TBC1D22A: variants seen among roughly 807,000 people sequenced by gnomAD.
The protein encoded by TBC1D22A is putative GTPase activator.
A neutral mutation model predicts 60.2 loss-of-function variants in TBC1D22A; 38 were observed. The ratio of observed to expected loss-of-function variants is 0.63; its 90% CI spans 0.49 to 0.83. TBC1D22A has a LOEUF of 0.83. TBC1D22A is among the 40% of genes least tolerant of loss of function. The probability of loss-of-function intolerance (pLI) is 0.00; values close to 1 mark genes in which losing one functional copy is unlikely to be tolerated. For missense variants in TBC1D22A, 628 were observed against 701.0 expected, an observed-to-expected ratio of 0.90 and a Z score of 1.18; for synonymous variants, 302 against 281.7, an observed-to-expected ratio of 1.07 and a Z score of -0.72.
chr22:46,779,885 C>G (rs1388516302), intron 1 of TBC1D22A, among the ~76,000 whole-genome samples: 1 of 152,206 alleles, frequency 6.6e-6, no homozygotes, highest in East Asian at 1.9e-4. Flanking sequence ...CGGGGCGGGA[C>G]AGCCCTCGGA....
intron 5 of TBC1D22A, among the ~76,000 whole-genome samples, chr22:46,888,311 C>T (rs1280794915): frequency 1.3e-5 from 2 of 152,210 alleles, no homozygotes; most frequent in African/African-American, 4.8e-5. Context: ...TGACGTGGCT[C>T]CCAGAGCAGC....
intron 1 of TBC1D22A, among the ~76,000 whole-genome samples, chr22:46,783,816 G>T (rs567545490): frequency 2.0e-4 from 30 of 152,122 alleles, no homozygotes; most frequent in Middle Eastern, 3.4e-3. Context: ...CAGTCAATGG[G>T]CATCTAGGTT....
intron 12 of TBC1D22A, among the ~76,000 whole-genome samples, chr22:47,148,475 C>T (rs184351934): frequency 9.2e-5 from 14 of 152,210 alleles, no homozygotes; most frequent in Admixed American, 5.2e-4. Context: ...AACAAATGCC[C>T]ACTCGGAATC....
intron 11 of TBC1D22A, among the ~76,000 whole-genome samples, chr22:47,101,528 C>T (rs1329941660): frequency 1.3e-5 from 2 of 152,244 alleles, no homozygotes; most frequent in South Asian, 2.1e-4. Flanking sequence ...TGGGGCGAGG[C>T]GGCCAAGGCC....
rs566235921 is a variant in TBC1D22A, at chr22:46,951,116, C to T, written c.1016-23174C>T. ...GCCTACCTAACCTTTGCTTCTTTGC[C>T]GTAGACTCTCCATCTGCAAAATAGA... On this transcript the variant is annotated intron_variant, in intron 8 of 12. Transcript: ENST00000337137. Among the ~76,000 whole-genome samples, 303 of 152,246 alleles carry T rather than the reference C, an allele frequency of 2.0e-3. 1 individual carries two copies. The highest frequency in any genetic ancestry group is 3.9e-3 in the Non-Finnish European group (262 of 68,018).
Position 46,973,319 on chromosome 22 carries a change from T to C in TBC1D22A, c.1016-971T>C, listed in dbSNP as rs989153592. 7.9e-5 allele frequency among the ~76,000 whole-genome samples: 12 copies of C among 152,304 alleles called. No homozygotes were observed. The South Asian group carries it at 1.5e-3, about 18-fold the overall frequency. The stretch of plus-strand genomic sequence containing the variant: ...ACGGCCCTGCCCCTCTTTACCCCGC[T>C]GTTGTCCGGGGCTCAAGGGTGGTGA... On this transcript the variant is annotated intron_variant, in intron 8 of 12. Coordinates refer to ENST00000337137, the MANE Select transcript of TBC1D22A (RefSeq NM_014346.5).
At chr22:47,134,590 G>T (rs1320367820) in intron 12 of TBC1D22A, among the ~76,000 whole-genome samples, 1 of 152,178 alleles carries the variant, frequency 6.6e-6, no homozygotes, top group African/African-American at 2.4e-5. Flanking sequence ...GTAAACCTTG[G>T]GTGTAAAAGG....
At chr22:46,891,054 T>C (rs992291667) in intron 5 of TBC1D22A, among the ~76,000 whole-genome samples, 1 of 152,122 alleles carries the variant, frequency 6.6e-6, no homozygotes. Context: ...GGCCCCTTCC[T>C]GAGTGCTGTC....
chr22:46,763,662 A>G (rs1310747409), intron 1 of TBC1D22A: 1 of 152,218 alleles, frequency 6.6e-6, no homozygotes, highest in Non-Finnish European at 1.5e-5. Context: ...GCTGAAAATT[A>G]TGAATTGTGT....
chr22:47,171,727 G>A (rs954891270), intron 12 of TBC1D22A, among the ~76,000 whole-genome samples: 4 of 152,186 alleles, frequency 2.6e-5, no homozygotes, highest in African/African-American at 4.8e-5. Context: ...ATGTGGGAGG[G>A]CGGGGCTGTC....
At chr22:46,891,684 G>C (rs1316363033) in intron 6 of TBC1D22A, among the ~76,000 whole-genome samples, 2 of 152,300 alleles carry the variant, frequency 1.3e-5, no homozygotes, top group East Asian at 3.9e-4. Context: ...GACCGGCCTT[G>C]GGGTGATGGT....
chr22:47,063,473 C>T (rs1286562797), intron 11 of TBC1D22A, among the ~76,000 whole-genome samples: 1 of 152,138 alleles, frequency 6.6e-6, no homozygotes, highest in Non-Finnish European at 1.5e-5. Flanking sequence ...CGGGGGTGTG[C>T]ACCAGGGCAT....
intron 11 of TBC1D22A, among the ~76,000 whole-genome samples, chr22:47,078,326 T>A (rs1049721018): frequency 1.3e-5 from 2 of 152,230 alleles, no homozygotes; most frequent in African/African-American, 4.8e-5. Context: ...TTTCAATCTA[T>A]ACTGTAAGAT....
At position 46,995,534 on chromosome 22, in the gene TBC1D22A, A is replaced by T. The variant is rs937286905; in HGVS notation, c.1126-2100A>T. The stretch of plus-strand genomic sequence containing the variant: ...CACTTTGTGTGTGTGTGTGTGTGTG[A>T]GAGAGAAACGTAGAGAGTGCTGGCT... On this transcript the variant is annotated intron_variant, in intron 9 of 12. Coordinates refer to ENST00000337137, the MANE Select transcript of TBC1D22A (RefSeq NM_014346.5). Among the ~76,000 whole-genome samples, 20 of 146,556 alleles carry T rather than the reference A, an allele frequency of 1.4e-4. No homozygotes were observed. The East Asian group carries it at 3.7e-3, about 27-fold the overall frequency.
chr22:46,845,156 C>T (rs757322325), intron 4 of TBC1D22A, among the ~76,000 whole-genome samples: 1 of 152,186 alleles, frequency 6.6e-6, no homozygotes, highest in Non-Finnish European at 1.5e-5. Context: ...GAGGAAAGAA[C>T]GTAACAGTGG....
At position 47,126,660 on chromosome 22, in the gene TBC1D22A, G is replaced by A. The variant is rs371629381; in HGVS notation, c.1425+15057G>A. Among the ~76,000 whole-genome samples, 36 of 152,364 alleles carry A rather than the reference G, an allele frequency of 2.4e-4. No individual in the cohort carries two copies. The South Asian group carries it at 6.6e-3, about 28-fold the overall frequency. On this transcript the variant is annotated intron_variant, in intron 12 of 12. Transcript: ENST00000337137. ...GAAACAGGAGTGAGCATTAGGAAGC[G>A]GTAGGCTGGAGGCCTCAAGGACTGG...
At chr22:47,098,304 C>G (rs1201155333) in intron 11 of TBC1D22A, among the ~76,000 whole-genome samples, 1 of 152,146 alleles carries the variant, frequency 6.6e-6, no homozygotes, top group Non-Finnish European at 1.5e-5. Context: ...CCAGGGTGAG[C>G]GTTTTAAGAG....
chr22:47,078,919 C>A (rs975365730), intron 11 of TBC1D22A, among the ~76,000 whole-genome samples: 1 of 152,110 alleles, frequency 6.6e-6, no homozygotes, highest in Non-Finnish European at 1.5e-5. Context: ...GGACGTGGAC[C>A]GATTCCATCA....
intron 10 of TBC1D22A, among the ~76,000 whole-genome samples, chr22:47,027,903 C>T (rs6009106): frequency 0.41 from 62,675 of 151,848 alleles, 14,794 homozygotes; most frequent in African/African-American, 0.66. Context: ...CCCACTCCTC[C>T]CCCCTGGGCA....
Sources: gnomAD v4.1 joint callset for allele counts (sites outside exome capture counted in the v4.1 genomes callset) on GRCh38, gnomAD v4.1.1 for gene constraint, MANE v1.5 for transcripts, NCBI Gene and HGNC (gene_info 2026-07-23, HGNC 2026-07-21) for gene names.